The following ANKRD13A variants were observed in gnomAD, a reference collection of about 807,000 sequenced individuals.
ANKRD13A encodes ankyrin repeat domain 13A, also known as ankyrin repeat domain-containing protein 13A.
ANKRD13A carries 48 observed loss-of-function variants against 81.3 expected under a neutral mutation model. That is an observed-to-expected ratio of 0.59 (90% confidence interval 0.47 to 0.75). The LOEUF is 0.75. ANKRD13A is among the 30% of genes least tolerant of loss of function. ANKRD13A has a pLI of 0.00. For synonymous variants in ANKRD13A, 230 were observed against 270.1 expected (o/e 0.85, Z 1.45); for missense variants, 612 against 734.0 (o/e 0.83, Z 1.92).
chr12:110,006,721 C>G (rs780270497), intron 1 of ANKRD13A, among the ~76,000 whole-genome samples: 2 of 152,010 alleles, frequency 1.3e-5, no homozygotes, highest in African/African-American at 2.4e-5. Context: ...CTCAGCCTCC[C>G]GAGTAGCTGG....
intron 13 of ANKRD13A, 84 bp downstream of exon 13, chr12:110,034,041 A>T (rs1053263081): frequency 5.3e-6 from 7 of 1,312,962 alleles, no homozygotes; most frequent in Non-Finnish European, 7.0e-6. Context: ...AATCTGAAAG[A>T]TTTATTCTAA....
At chr12:110,030,882 G>A in intron 12 of ANKRD13A, 124 bp downstream of exon 12, 1 of 404,744 alleles carries the variant, frequency 2.5e-6, no homozygotes, top group African/African-American at 2.1e-5. Context: ...ATCACCTGAG[G>A]TCGGGAGTTT....
chr12:110,003,641 A>G (rs1289657875), intron 1 of ANKRD13A, among the ~76,000 whole-genome samples: 1 of 152,190 alleles, frequency 6.6e-6, no homozygotes, highest in East Asian at 1.9e-4. Flanking sequence ...CCTGCATGCC[A>G]GGTACCAAGG....
rs550121282 is a variant in ANKRD13A, at chr12:110,037,652, G to C, written c.*98G>C. On this transcript the variant is annotated 3_prime_UTR_variant, in exon 15 of 15. Transcript: ENST00000261739. ...CTAGGGCTAAGGGCCTGCACCTTGC[G>C]TGCATGCAGCAGGCAACAACTGCCC... is the stretch of plus-strand genomic sequence containing the variant. The C allele has an allele frequency of 2.4e-6, 3 of 1,268,506 alleles. No homozygotes were observed. The highest frequency in any genetic ancestry group is 3.2e-6 in the Non-Finnish European group (3 of 928,984). The allele number at this position is 1,268,506 out of a possible 1,614,324, so 78.6% of individuals were successfully genotyped here. A position where few individuals can be genotyped will look rare whatever the true frequency, so the allele number is the denominator to read the frequency against.
In ANKRD13A at chr12:110,019,271, G is replaced by A. The variant is rs775539484; in HGVS notation, c.677G>A (p.Arg226Gln). Residue 226 changes from arginine (R) to glutamine (Q), a missense_variant, in exon 6 of 15, where the codon CGG (arginine) becomes CAG (glutamine). Arg to Gln is a conservative substitution (Grantham distance 43). Coordinates refer to ENST00000261739, the MANE Select transcript of ANKRD13A (RefSeq NM_033121.2). Reference sequence around the variant, plus strand: ...CCAAAAAGCAGGGAAGTTGAGCGGCGGCTCACAAGCCCTGTCATTAACACC... The same window carrying A: ...CCAAAAAGCAGGGAAGTTGAGCGGCAGCTCACAAGCCCTGTCATTAACACC... ...MKPKSREVERRLTSPVINTSL... is the reference protein window; with the variant it reads ...MKPKSREVERQLTSPVINTSL... 2.5e-5 allele frequency: 40 copies of A among 1,613,742 alleles called. No homozygotes were observed. Among genetic ancestry groups the A allele is most frequent in the Non-Finnish European group, 3.3e-5 (39 of 1,179,868 alleles).
At chr12:110,032,950 A>G (rs1483708635) in intron 12 of ANKRD13A, 1 of 152,232 alleles carries the variant, frequency 6.6e-6, no homozygotes, top group African/African-American at 2.4e-5. Context: ...TAGGCAGTGT[A>G]AACAACTATT....
Position 110,018,991 on chromosome 12 carries a change from G to A in ANKRD13A, c.545-148G>A. The A allele has an allele frequency of 1.4e-6, 1 of 739,026 alleles. No individual in the cohort carries two copies. The allele number at this position is 739,026 out of a possible 1,614,324, so 45.8% of individuals were successfully genotyped here. ...TGGTCAGATAATCCCTGTGCAAATAGGTAGTCGATAATCAGTACACTGTAG... is the reference window on the plus strand; with the variant it reads ...TGGTCAGATAATCCCTGTGCAAATAAGTAGTCGATAATCAGTACACTGTAG... On this transcript the variant is annotated intron_variant, in intron 5 of 14. Coordinates refer to ENST00000261739, the MANE Select transcript of ANKRD13A (RefSeq NM_033121.2). This position sits in a 1 kb window ranked among gnomAD's most constrained non-coding sequence, Gnocchi z 4.4.
chr12:110,025,585 A>G (rs1216794808), intron 7 of ANKRD13A, among the ~76,000 whole-genome samples, 157 bp from the exon 8 acceptor site: 2 of 152,128 alleles, frequency 1.3e-5, no homozygotes, highest in East Asian at 1.9e-4. Context: ...TAGTTTATAT[A>G]CTTTCTCTGA....
In ANKRD13A at chr12:110,030,743, AC is replaced by A; in HGVS notation, c.1336del (p.Gln446ArgfsTer42). 6.3e-7 allele frequency: 1 copy of A among 1,593,392 alleles called. No individual in the cohort carries two copies. Among genetic ancestry groups the A allele is most frequent in the Non-Finnish European group, 8.5e-7 (1 of 1,170,050 alleles). On this transcript the variant is annotated frameshift_variant, in exon 12 of 15. Transcript: ENST00000261739. LOFTEE classifies it high-confidence loss of function. ...EESVSQNVEG[T>X]QADSASHITN... Reference sequence around the variant, plus strand: ...ATCTGTATCTCAAAATGTGGAAGGGACCCAGGCTGATTCAGGTAAAAAAATA... The same window carrying A: ...ATCTGTATCTCAAAATGTGGAAGGGACCAGGCTGATTCAGGTAAAAAAATA...
At position 110,039,218 on chromosome 12, in the gene ANKRD13A, A is replaced by G. The variant is rs1348699442; in HGVS notation, c.*1664A>G. The G allele has an allele frequency of 6.6e-6, 1 of 152,338 alleles. No individual in the cohort carries two copies. 9.4% of individuals were successfully genotyped at this position (152,338 alleles called of 1,614,324 possible). A position where few individuals can be genotyped will look rare whatever the true frequency, so the allele number is the denominator to read the frequency against. On this transcript the variant is annotated 3_prime_UTR_variant, in exon 15 of 15. Coordinates refer to ENST00000261739, the MANE Select transcript of ANKRD13A (RefSeq NM_033121.2). ...CAAAGATACTTCTTGGAATGGCTGC[A>G]GTGAGGCCGTGTCATTGGCTCACAA...
chr12:110,005,415 G>T lies in ANKRD13A; in HGVS notation c.96+5631G>T, dbSNP rs569727560. Among the ~76,000 whole-genome samples the T allele has an allele frequency of 2.0e-5, 3 of 152,226 alleles. No individual in the cohort carries two copies. The East Asian group carries it at 5.8e-4, about 29-fold the overall frequency. On this transcript the variant is annotated intron_variant, in intron 1 of 14. Coordinates refer to ENST00000261739, the MANE Select transcript of ANKRD13A (RefSeq NM_033121.2). Reference sequence around the variant, plus strand: ...CAAAGTGCTAAGATTACAGGTGTTAGCCACTGCACCCACCCTGTAATATTT... The same window carrying T: ...CAAAGTGCTAAGATTACAGGTGTTATCCACTGCACCCACCCTGTAATATTT...
At position 110,019,150 on chromosome 12, in the gene ANKRD13A, G is replaced by A. The variant is rs866470858; in HGVS notation, c.556G>A (p.Glu186Lys). 1 of 1,599,418 alleles carries A rather than the reference G, an allele frequency of 6.3e-7. No individual in the cohort carries two copies. Among genetic ancestry groups the A allele is most frequent in the Admixed American group, 1.7e-5 (1 of 57,754 alleles). ...GTTTCCATTAATAGACAACTGGGCG[G>A]AGTTAATGGAAGTCAACCATGATGA... ...FIFKGEDNWA[E>K]LMEVNHDDKV... Residue 186 changes from glutamate to lysine, a missense_variant, in exon 6 of 15, where the codon GAG (glutamate) becomes AAG (lysine). Coordinates refer to ENST00000261739, the MANE Select transcript of ANKRD13A (RefSeq NM_033121.2).
rs1892226115 is a variant in ANKRD13A at position 110,039,084 on chromosome 12, ATT to A, written c.*1531_*1532del. 6.9e-6 allele frequency: 1 copy of A among 144,494 alleles called. No homozygotes were observed. The highest frequency in any genetic ancestry group is 1.5e-5 in the Non-Finnish European group (1 of 66,454). The allele number at this position is 144,494 out of a possible 1,614,324, so 9.0% of individuals were successfully genotyped here. ...ATCTGTTTTGTTTTTTTTTTTTGTC[ATT>A]GTCTGACCAAAATTCCTTCTGCACA... On this transcript the variant is annotated 3_prime_UTR_variant, in exon 15 of 15. Coordinates refer to ENST00000261739, the MANE Select transcript of ANKRD13A (RefSeq NM_033121.2).
In ANKRD13A at chr12:110,038,268, G is replaced by C. The variant is rs1281697120; in HGVS notation, c.*714G>C. The C allele has an allele frequency of 6.6e-6, 1 of 152,642 alleles. No homozygotes were observed. Among genetic ancestry groups the C allele is most frequent in the Non-Finnish European group, 1.5e-5 (1 of 68,034 alleles). The allele number at this position is 152,642 out of a possible 1,614,324, so 9.5% of individuals were successfully genotyped here. On this transcript the variant is annotated 3_prime_UTR_variant, in exon 15 of 15. Coordinates refer to ENST00000261739, the MANE Select transcript of ANKRD13A (RefSeq NM_033121.2). ...ACATCACCTCACTGCACGCATCGAA[G>C]GATCTGATTTGAATTTGTAAAGGCA...
At chr12:110,017,143 C>T (rs1377094861) in intron 4 of ANKRD13A, among the ~76,000 whole-genome samples, 1 of 152,166 alleles carries the variant, frequency 6.6e-6, no homozygotes. Context: ...CTCCTGTCCT[C>T]AGCTGATCCA....
At chr12:110,033,652 C>A in intron 12 of ANKRD13A, 145 bp from the exon 13 acceptor site, 2 of 720,230 alleles carry the variant, frequency 2.8e-6, no homozygotes, top group South Asian at 3.7e-5. Flanking sequence ...TTCTGTCATG[C>A]TTCCTCAGAA....
chr12:110,029,687 G>A, intron 11 of ANKRD13A, 52 bp downstream of exon 11: 1 of 1,593,036 alleles, frequency 6.3e-7, no homozygotes, highest in South Asian at 1.1e-5. Flanking sequence ...CATGTTTGTG[G>A]GTGGCAGCAT....
At chr12:110,025,964 C>CG in intron 8 of ANKRD13A, 141 bp downstream of exon 8, 1 of 505,156 alleles carries the variant, frequency 2.0e-6, no homozygotes, top group Non-Finnish European at 3.3e-6. Flanking sequence ...CTCTCTCTCT[C>CG]TTTTTTTTTT....
intron 1 of ANKRD13A, among the ~76,000 whole-genome samples, chr12:110,002,337 C>T (rs1175254396): frequency 6.6e-6 from 1 of 152,126 alleles, no homozygotes; most frequent in Admixed American, 6.5e-5. Flanking sequence ...ATTCTTAAGT[C>T]CGGGCACGGT....
Sources: allele counts gnomAD v4.1 joint callset (sites outside exome capture counted in the v4.1 genomes callset), GRCh38; gene constraint gnomAD v4.1.1; non-coding constraint Gnocchi (gnomAD v3.1); transcripts MANE v1.5; gene names NCBI Gene and HGNC (gene_info 2026-07-23, HGNC 2026-07-21).